TANK: variants seen among roughly 807,000 people sequenced by gnomAD.
The protein encoded by TANK is TRAF family member-associated NF-kappa-B activator.
In TANK, 15 loss-of-function variants were observed where a neutral mutation model predicts 43.6. That is an observed-to-expected ratio of 0.34 (90% confidence interval 0.23 to 0.53). TANK has a LOEUF of 0.53. TANK is among the 20% of genes least tolerant of loss of function. TANK has a pLI of 0.94. For missense variants in TANK, 417 were observed against 498.6 expected (o/e 0.84, Z 1.56); for synonymous variants, 162 against 178.2 (o/e 0.91, Z 0.73).
intron 2 of TANK, among the ~76,000 whole-genome samples, chr2:161,203,163 C>CT (rs886894903): frequency 2.0e-5 from 3 of 147,324 alleles, no homozygotes; most frequent in African/African-American, 2.5e-5. Context: ...ATCATTTGTG[C>CT]TTTTTTTTTT....
chr2:161,184,970 T>C (rs1004571160), intron 2 of TANK, among the ~76,000 whole-genome samples: 12 of 152,064 alleles, frequency 7.9e-5, no homozygotes, highest in Non-Finnish European at 1.8e-4. Flanking sequence ...AGTGTATAGG[T>C]TGAAAGAATA....
intron 1 of TANK, among the ~76,000 whole-genome samples, chr2:161,147,749 G>C (rs1384636728): frequency 2.6e-5 from 4 of 151,156 alleles, no homozygotes; most frequent in African/African-American, 9.9e-5. Flanking sequence ...GCTCCTTCTA[G>C]TCGGCCATCA....
intron 2 of TANK, chr2:161,200,604 C>T: frequency 1.1e-6 from 1 of 926,844 alleles, no homozygotes; most frequent in Non-Finnish European, 1.3e-6. Flanking sequence ...ATAAGCTTCC[C>T]TTTTTAAAAA....
At chr2:161,137,967 A>C (rs1683635756) in intron 1 of TANK, 1 of 456,014 alleles carries the variant, frequency 2.2e-6, no homozygotes, top group Admixed American at 6.5e-5. Context: ...ACTCCGTCTC[A>C]AAAAAAAAAT....
chr2:161,173,839 C>T (rs1573983008), intron 1 of TANK, among the ~76,000 whole-genome samples: 1 of 152,060 alleles, frequency 6.6e-6, no homozygotes, highest in South Asian at 2.1e-4. Flanking sequence ...AGCTCAGTTC[C>T]TCCTTTAGAG....
chr2:161,161,365 AAATGACCTG>A, intron 1 of TANK: 1 of 1,550,854 alleles, frequency 6.4e-7, no homozygotes, highest in Non-Finnish European at 8.7e-7. Flanking sequence ...AAGGAAAAGA[AAATGACCTG>A]CCTTCTTACC....
chr2:161,179,644 T>C lies in TANK; in HGVS notation c.-19T>C. ...TCATTTACTCCATCCTTTATAGTGA[T>C]GCTACAGGACGAAGAGGAATGGATA... On this transcript the variant is annotated 5_prime_UTR_variant, in exon 2 of 8. It removes an upstream start codon present in the reference 5' UTR. Transcript: ENST00000392749. 1.9e-6 allele frequency: 3 copies of C among 1,612,526 alleles called. No homozygotes were observed. Among genetic ancestry groups the C allele is most frequent in the Non-Finnish European group, 2.5e-6 (3 of 1,179,198 alleles).
At chr2:161,208,274 A>G in intron 4 of TANK, 1 of 933,468 alleles carries the variant, frequency 1.1e-6, no homozygotes, top group Non-Finnish European at 1.3e-6. Flanking sequence ...TTTACTTAAG[A>G]AACATGAAAT....
At chr2:161,217,970 T>A (rs763319541) in intron 4 of TANK, among the ~76,000 whole-genome samples, 3 of 152,134 alleles carry the variant, frequency 2.0e-5, no homozygotes, top group Non-Finnish European at 4.4e-5. Flanking sequence ...AGTAGGGTAC[T>A]CCACCCATTG....
intron 2 of TANK, among the ~76,000 whole-genome samples, chr2:161,184,945 C>T (rs1685589184): frequency 6.6e-6 from 1 of 152,104 alleles, no homozygotes; most frequent in Non-Finnish European, 1.5e-5. Flanking sequence ...ATGTGGATAA[C>T]ATCTCCCAGT....
At chr2:161,175,756 G>A (rs770736981) in intron 1 of TANK, among the ~76,000 whole-genome samples, 5 of 152,112 alleles carry the variant, frequency 3.3e-5, no homozygotes, top group Non-Finnish European at 7.4e-5. Flanking sequence ...CACTGGGCTG[G>A]AGAGGTGGGA....
chr2:161,229,492 T>G (rs774182526), intron 6 of TANK, among the ~76,000 whole-genome samples: 3 of 152,060 alleles, frequency 2.0e-5, no homozygotes, highest in Non-Finnish European at 4.4e-5. Context: ...AGGAAGCAGT[T>G]TAAAGGCTGT....
chr2:161,224,006 T>C lies in TANK; in HGVS notation c.404+15T>C. 3.3e-6 allele frequency: 5 copies of C among 1,519,520 alleles called. No homozygotes were observed. The highest frequency in any genetic ancestry group is 4.5e-6 in the Non-Finnish European group (5 of 1,113,814). 94.1% of individuals were successfully genotyped at this position (1,519,520 alleles called of 1,614,324 possible). The stretch of plus-strand genomic sequence containing the variant: ...CTCCATGAAAGGTAGTTCTACATCC[T>C]TTTTTCTCAACTCTTAAAAATTATC... On this transcript the variant is annotated intron_variant, in intron 5 of 7. Coordinates refer to ENST00000392749, the MANE Select transcript of TANK (RefSeq NM_001199135.3).
chr2:161,201,994 T>TG (rs1686433782), intron 2 of TANK, among the ~76,000 whole-genome samples: 1 of 152,206 alleles, frequency 6.6e-6, no homozygotes, highest in Non-Finnish European at 1.5e-5. Flanking sequence ...ATCTCCTATG[T>TG]ATAAGTTACT....
intron 4 of TANK, chr2:161,207,765 T>C (rs1686712063): frequency 1.0e-6 from 1 of 985,258 alleles, no homozygotes; most frequent in Admixed American, 6.2e-5. Context: ...GAATATATGG[T>C]TATATTCAAG....
chr2:161,219,931 C>T (rs1010781135), intron 4 of TANK: 2 of 310,234 alleles, frequency 6.4e-6, no homozygotes. Flanking sequence ...ACATTTATAC[C>T]TATTCCATAG....
intron 2 of TANK, chr2:161,200,258 C>A: frequency 1.5e-6 from 1 of 656,376 alleles, no homozygotes; most frequent in Non-Finnish European, 1.9e-6. Flanking sequence ...TTTTCTGTTT[C>A]GTGGGGTCTT....
intron 4 of TANK, chr2:161,216,375 T>C (rs547854686): frequency 7.7e-5 from 36 of 467,864 alleles, no homozygotes; most frequent in South Asian, 2.2e-4. Context: ...TTCTCTTTTT[T>C]ACCTGTGCTG....
At chr2:161,223,850 A>T (rs942595996) in intron 4 of TANK, 65 bp from the exon 5 acceptor site, 1 of 1,094,404 alleles carries the variant, frequency 9.1e-7, no homozygotes, top group Non-Finnish European at 1.4e-6. Context: ...TTTTCTCTTT[A>T]CTCGACCTCA....
Sources: allele counts gnomAD v4.1 joint callset (sites outside exome capture counted in the v4.1 genomes callset), GRCh38; gene constraint gnomAD v4.1.1; transcripts MANE v1.5; gene names NCBI Gene and HGNC (gene_info 2026-07-23, HGNC 2026-07-21).